TENM3: variants seen among roughly 807,000 people sequenced by gnomAD.
TENM3 encodes teneurin-3.
In TENM3, 63 loss-of-function variants were observed where a neutral mutation model predicts 255.1. The observed-to-expected ratio is 0.25, with a 90% confidence interval of 0.20 to 0.30. The LOEUF is 0.30. TENM3 is among the 10% of genes least tolerant of loss of function. TENM3 has a pLI of 1.00. For synonymous variants in TENM3, 1,306 were observed against 1,322.3 expected (o/e 0.99, Z 0.27); for missense variants, 2,929 against 3,461.1 (o/e 0.85, Z 3.86).
chr4:182,333,252 A>G (rs151176605), intron 2 of TENM3, among the ~76,000 whole-genome samples: 21 of 152,364 alleles, frequency 1.4e-4, no homozygotes, highest in African/African-American at 2.6e-4. Flanking sequence ...GAGTAGTACA[A>G]AAAAAGAAAT....
the TENM3 span, among the ~76,000 whole-genome samples, chr4:181,674,728 C>T: frequency 6.6e-6 from 1 of 152,076 alleles, no homozygotes; most frequent in Non-Finnish European, 1.5e-5. Flanking sequence ...ACTACTCCAG[C>T]AGGTCAATGT....
chr4:181,591,186 A>G, the TENM3 span, among the ~76,000 whole-genome samples: 2 of 152,216 alleles, frequency 1.3e-5, no homozygotes, highest in Non-Finnish European at 1.5e-5. Flanking sequence ...TCCTCTATTC[A>G]CATATCAGAA....
At chr4:181,862,547 A>G in the TENM3 span, among the ~76,000 whole-genome samples, 8 of 152,258 alleles carry the variant, frequency 5.3e-5, no homozygotes, top group African/African-American at 1.9e-4. Flanking sequence ...AAGCTTTGTC[A>G]CAGAGCCAAC....
At chr4:182,385,631 T>A (rs1373372665) in intron 3 of TENM3, among the ~76,000 whole-genome samples, 1 of 150,960 alleles carries the variant, frequency 6.6e-6, no homozygotes, top group Non-Finnish European at 1.5e-5. Context: ...CAATATTTGA[T>A]AGAGGCTTTG....
chr4:181,831,328 G>A, the TENM3 span, among the ~76,000 whole-genome samples: 1 of 152,026 alleles, frequency 6.6e-6, no homozygotes, highest in African/African-American at 2.4e-5. Context: ...TCATCTGCAT[G>A]TATTATTCTA....
chr4:182,600,918 T>TAA lies in TENM3; in HGVS notation c.512-6_512-5insAA. 1.8e-5 allele frequency: 25 copies of TAA among 1,422,940 alleles called. No individual in the cohort carries two copies. The highest frequency in any genetic ancestry group is 2.2e-5 in the Non-Finnish European group (23 of 1,052,024). 88.1% of individuals were successfully genotyped at this position (1,422,940 alleles called of 1,614,324 possible). ...CTTTCTTTTTTTTTTTTTTTTTTTT[T>TAA]TTCAGAGCAACCTGCAAGCAATCAA... On this transcript the variant is annotated splice_region_variant and splice_polypyrimidine_tract_variant and intron_variant, in intron 3 of 27. Coordinates refer to ENST00000511685, the MANE Select transcript of TENM3 (RefSeq NM_001080477.4).
At chr4:181,698,221 A>C in the TENM3 span, among the ~76,000 whole-genome samples, 25 of 152,066 alleles carry the variant, frequency 1.6e-4, no homozygotes, top group Non-Finnish European at 2.8e-4. Context: ...CTCAAAAAAA[A>C]AAAAAAAAAG....
chr4:182,342,212 T>A (rs553848107), intron 2 of TENM3, among the ~76,000 whole-genome samples: 5 of 152,152 alleles, frequency 3.3e-5, no homozygotes, highest in African/African-American at 1.2e-4. Context: ...ATTCTCATAA[T>A]AGTAAAAAAG....
chr4:182,608,926 C>T (rs934788362), intron 4 of TENM3, among the ~76,000 whole-genome samples: 3 of 152,182 alleles, frequency 2.0e-5, no homozygotes, highest in Non-Finnish European at 4.4e-5. Context: ...CACTCGGTGC[C>T]GCCGCAGGAG....
intron 1 of TENM3, among the ~76,000 whole-genome samples, chr4:182,162,188 T>C (rs1751396390): frequency 6.6e-6 from 1 of 151,986 alleles, no homozygotes; most frequent in African/African-American, 2.4e-5. Context: ...GGCGAATTTC[T>C]TAATATTTTG....
chr4:181,792,069 C>A, the TENM3 span, among the ~76,000 whole-genome samples: 1 of 152,130 alleles, frequency 6.6e-6, no homozygotes, highest in Admixed American at 6.6e-5. Context: ...TTTTGGCTTA[C>A]CTATAATAAA....
At chr4:182,230,900 G>C (rs533351034) in intron 1 of TENM3, among the ~76,000 whole-genome samples, 3 of 136,824 alleles carry the variant, frequency 2.2e-5, no homozygotes, top group Non-Finnish European at 4.6e-5. Flanking sequence ...AGCACACGAA[G>C]AGGCAGGTTT....
the TENM3 span, among the ~76,000 whole-genome samples, chr4:181,556,403 T>A: frequency 3.3e-5 from 5 of 152,292 alleles, no homozygotes; most frequent in East Asian, 5.8e-4. Context: ...ATATCAATTT[T>A]ACAACATTAG....
At chr4:181,610,391 AT>A in the TENM3 span, among the ~76,000 whole-genome samples, 2 of 152,170 alleles carry the variant, frequency 1.3e-5, no homozygotes, top group African/African-American at 4.8e-5. Flanking sequence ...CATAACATAC[AT>A]TTCCATTCAT....
chr4:182,282,395 A>T (rs1462103418), intron 1 of TENM3, among the ~76,000 whole-genome samples: 1 of 152,200 alleles, frequency 6.6e-6, no homozygotes, highest in African/African-American at 2.4e-5. Context: ...AAAGAAGCAA[A>T]GATAAAATTT....
chr4:181,835,540 A>G, the TENM3 span, among the ~76,000 whole-genome samples: 1 of 152,204 alleles, frequency 6.6e-6, no homozygotes, highest in Non-Finnish European at 1.5e-5. Context: ...AGTGATGAGC[A>G]AAGTCAACCA....
chr4:182,486,017 A>G (rs1230556933), intron 3 of TENM3, among the ~76,000 whole-genome samples: 1 of 152,106 alleles, frequency 6.6e-6, no homozygotes, highest in Admixed American at 6.6e-5. Flanking sequence ...AGCTAGGGAC[A>G]TATGTGGTGT....
At chr4:181,679,626 C>T in the TENM3 span, among the ~76,000 whole-genome samples, 1 of 152,032 alleles carries the variant, frequency 6.6e-6, no homozygotes, top group Non-Finnish European at 1.5e-5. Flanking sequence ...CTAGATTATT[C>T]TGAAACAACT....
chr4:182,237,674 G>A (rs538444079), intron 1 of TENM3, among the ~76,000 whole-genome samples: 2 of 152,234 alleles, frequency 1.3e-5, no homozygotes, highest in East Asian at 3.9e-4. Context: ...GTAATGTCGT[G>A]GCCGTATTGT....
Sources: allele counts gnomAD v4.1 joint callset (sites outside exome capture counted in the v4.1 genomes callset), GRCh38; gene constraint gnomAD v4.1.1; transcripts MANE v1.5; gene names NCBI Gene and HGNC (gene_info 2026-07-23, HGNC 2026-07-21).